The following DACT3 variants were observed in gnomAD, a reference collection of about 807,000 sequenced individuals.
The protein encoded by DACT3 is dishevelled binding antagonist of beta catenin 3, also known as dapper homolog 3.
A neutral mutation model predicts 19.6 loss-of-function variants in DACT3; 5 were observed. The ratio of observed to expected loss-of-function variants is 0.26; its 90% CI spans 0.13 to 0.54. The LOEUF is 0.54. Among genes scored for constraint, DACT3 ranks in the 20% least tolerant of loss-of-function variants. DACT3 has a pLI of 0.95. For synonymous variants in DACT3, 454 were observed against 428.1 expected, an observed-to-expected ratio of 1.06 and a Z score of -0.75; for missense variants, 908 against 927.4, an observed-to-expected ratio of 0.98 and a Z score of 0.27.
At chr19:46,654,481 CAAAAA>C in intron 1 of DACT3, 3 of 721,578 alleles carry the variant, frequency 4.2e-6, no homozygotes, top group Non-Finnish European at 4.7e-6. Flanking sequence ...GCAAGACTGA[CAAAAA>C]AAAAAAAAAA....
chr19:46,658,705 C>T (rs944555365), intron 1 of DACT3, among the ~76,000 whole-genome samples: 3 of 152,120 alleles, frequency 2.0e-5, no homozygotes, highest in African/African-American at 4.8e-5. Context: ...CCTTCCTCTG[C>T]AGGCTTAATA....
rs2053002504 is a variant in DACT3 at position 46,653,047 on chromosome 19, A to G, written c.278T>C (p.Leu93Pro). 2 of 1,551,414 alleles carry G rather than the reference A, an allele frequency of 1.3e-6. No homozygotes were observed. The highest frequency in any genetic ancestry group is 1.7e-6 in the Non-Finnish European group (2 of 1,147,008). ...LEALPGLVWD[L>P]GQQLGDLSLE... is the part of the protein sequence containing the mutation. Reference sequence around the variant, plus strand: ...GCTCAGGTCTCCCAGCTGCTGTCCCAGGTCCCAGACGAGACCAGGCAGGGC... The same window carrying G: ...GCTCAGGTCTCCCAGCTGCTGTCCCGGGTCCCAGACGAGACCAGGCAGGGC... The change falls in exon 2 of 4, where the codon CTG becomes CCG. Residue 93 changes from leucine (L) to proline (P), a missense_variant. By Grantham distance (98) the Leu-to-Pro change is moderately conservative. Coordinates refer to ENST00000391916, the MANE Select transcript of DACT3 (RefSeq NM_145056.3).
chr19:46,652,466 A>T (rs975556045), intron 3 of DACT3, 194 bp downstream of exon 3: 1 of 673,522 alleles, frequency 1.5e-6, no homozygotes, highest in Non-Finnish European at 2.4e-6. Flanking sequence ...GGCGTGAGCC[A>T]CCGCACCCAG....
At chr19:46,654,506 A>G in intron 1 of DACT3, 1 of 976,212 alleles carries the variant, frequency 1.0e-6, no homozygotes. Context: ...AGGAAAAAAG[A>G]AAAAGAAATT....
chr19:46,650,516 C>G (rs1487601797), intron 3 of DACT3: 2 of 152,058 alleles, frequency 1.3e-5, no homozygotes, highest in Non-Finnish European at 2.9e-5. Flanking sequence ...CTCCTGGGCT[C>G]AAGGGATCCT....
chr19:46,652,319 G>A (rs1301930721), intron 3 of DACT3: 9 of 336,712 alleles, frequency 2.7e-5, no homozygotes, highest in African/African-American at 1.3e-4. Flanking sequence ...TCAGCCTCCC[G>A]AGTAGCTGGA....
At position 46,655,975 on chromosome 19, in the gene DACT3, A is replaced by ATATATATACACATATATACAC. The variant is rs1220962434; in HGVS notation, c.250-2921_250-2901dup. 2.7e-5 allele frequency among the ~76,000 whole-genome samples: 4 copies of ATATATATACACATATATACAC among 150,676 alleles called. No homozygotes were observed. In the East Asian group the frequency reaches 5.8e-4, roughly 22 times the overall value. On this transcript the variant is annotated intron_variant, in intron 1 of 3. Transcript: ENST00000391916. Reference sequence around the variant, plus strand: ...CAAACACACATATATATATACACACATATATATACACATATATACACTATA... The same window carrying ATATATATACACATATATACAC: ...CAAACACACATATATATATACACACATATATATACACATATATACACTATATATACACATATATACACTATA...
intron 3 of DACT3, chr19:46,650,490 T>C (rs1233064372): frequency 6.6e-6 from 1 of 151,702 alleles, no homozygotes; most frequent in Non-Finnish European, 1.5e-5. Context: ...CAATCATAGC[T>C]CACTGCAGTT....
intron 1 of DACT3, among the ~76,000 whole-genome samples, chr19:46,655,279 G>C (rs779246689): frequency 6.6e-6 from 1 of 151,886 alleles, no homozygotes; most frequent in Non-Finnish European, 1.5e-5. Flanking sequence ...CCTGCTTTTC[G>C]GGTTTTTTCT....
In DACT3 at chr19:46,649,087, T is replaced by C. The variant is rs1599786822; in HGVS notation, c.1285A>G (p.Ser429Gly). 7.7e-7 allele frequency: 1 copy of C among 1,297,566 alleles called. No homozygotes were observed. The highest frequency in any genetic ancestry group is 9.8e-7 in the Non-Finnish European group (1 of 1,024,882). The allele number at this position is 1,297,566 out of a possible 1,614,324, so 80.4% of individuals were successfully genotyped here. A position where few individuals can be genotyped will look rare whatever the true frequency, so the allele number is the denominator to read the frequency against. Residue 429 changes from serine to glycine, a missense_variant, in exon 4 of 4, where the codon AGC (serine) becomes GGC (glycine). Physicochemically the swap from Ser to Gly is moderately conservative, Grantham distance 56. Transcript: ENST00000391916. ...ACCGCGGAGGCGCGGCCCAGCAGGC[T>C]GGTCTCAGACTGGGAGCGCGAGGCC... ...RKASRSQSET[S>G]LLGRASAVPS...
At chr19:46,659,806 G>A (rs575644138) in intron 1 of DACT3, among the ~76,000 whole-genome samples, 2 of 152,258 alleles carry the variant, frequency 1.3e-5, no homozygotes, top group Non-Finnish European at 2.9e-5. Flanking sequence ...GTGCGGGCTG[G>A]GGGGAGGGGA....
chr19:46,651,065 C>CTATCTATTTATT (rs1176059277), intron 3 of DACT3: 9 of 148,666 alleles, frequency 6.1e-5, no homozygotes, highest in South Asian at 4.2e-4. Context: ...ATTTATTTAT[C>CTATCTATTTATT]TATTTATTTA....
chr19:46,649,559 A>ACTGGTCCGGGG lies in DACT3; in HGVS notation c.802_812dup (p.Gly274ProfsTer51). Reference sequence around the variant, plus strand: ...GCGGGCCGCCGTCCGCGCCCCCGGGACTGGTCCGGGGCTGGCCCGCCCCCC... The same window carrying ACTGGTCCGGGG: ...GCGGGCCGCCGTCCGCGCCCCCGGGACTGGTCCGGGGCTGGTCCGGGGCTGGCCCGCCCCCC... On this transcript the variant is annotated frameshift_variant, in exon 4 of 4. Coordinates refer to ENST00000391916, the MANE Select transcript of DACT3 (RefSeq NM_145056.3). LOFTEE classifies it low-confidence loss of function (END_TRUNC). 9.5e-7 allele frequency: 1 copy of ACTGGTCCGGGG among 1,055,080 alleles called. No individual in the cohort carries two copies. The highest frequency in any genetic ancestry group is 1.1e-6 in the Non-Finnish European group (1 of 876,836). 65.4% of individuals were successfully genotyped at this position (1,055,080 alleles called of 1,614,324 possible). A position where few individuals can be genotyped will look rare whatever the true frequency, so the allele number is the denominator to read the frequency against.
At chr19:46,655,088 G>A (rs1399252688) in intron 1 of DACT3, 10 of 984,322 alleles carry the variant, frequency 1.0e-5, no homozygotes, top group Non-Finnish European at 1.1e-5. Flanking sequence ...ACAAATCACT[G>A]GCATGCTCAC....
chr19:46,657,346 C>CTT (rs71177239), intron 1 of DACT3, among the ~76,000 whole-genome samples: 1,088 of 69,424 alleles, frequency 0.016, 1 homozygote, highest in Non-Finnish European at 0.018. Flanking sequence ...AAATGAGTTT[C>CTT]TTTTTTTTTT....
Position 46,660,875 on chromosome 19 carries a change from C to A in DACT3, c.190G>T (p.Asp64Tyr), listed in dbSNP as rs2053070466. Residue 64 changes from aspartate (D) to tyrosine (Y), a missense_variant, in exon 1 of 4, where the codon GAT becomes TAT. Asp to Tyr is a radical substitution (Grantham distance 160). This residue lies in a region of DACT3 where 252 missense variants were observed against 325.6 expected (regional missense o/e 0.77). Transcript: ENST00000391916. This position sits in a 1 kb window ranked among gnomAD's most constrained non-coding sequence, Gnocchi z 4.9. Reference sequence around the variant, plus strand: ...GCCGCCGCCGCATCTTCATCCTCATCGGCGTCCTCCTCGTCCTCGGCCTCG... The same window carrying A: ...GCCGCCGCCGCATCTTCATCCTCATAGGCGTCCTCCTCGTCCTCGGCCTCG... The part of the protein sequence containing the change: ...GAEAEDEEDA[D>Y]EDEDAAAARR... 1 of 1,532,384 alleles carries A rather than the reference C, an allele frequency of 6.5e-7. No homozygotes were observed. Among genetic ancestry groups the A allele is most frequent in the South Asian group, 1.2e-5 (1 of 82,864 alleles). 94.9% of individuals were successfully genotyped at this position (1,532,384 alleles called of 1,614,324 possible). A position where few individuals can be genotyped will look rare whatever the true frequency, so the allele number is the denominator to read the frequency against.
chr19:46,655,921 CTCTCTA>C lies in DACT3; in HGVS notation c.250-2852_250-2847del, dbSNP rs1415550872. ...ACCCAGTCTCTCTCTCTCTCTCTCT[CTCTCTA>C]TATATATATATATATATATACACAA... On this transcript the variant is annotated intron_variant, in intron 1 of 3. Transcript: ENST00000391916. Among the ~76,000 whole-genome samples, 32 of 108,700 alleles carry C rather than the reference CTCTCTA, an allele frequency of 2.9e-4. 1 individual carries two copies. The highest frequency in any genetic ancestry group is 4.4e-3 in the Middle Eastern group (1 of 226). The allele number at this position is 108,700 out of a possible 152,430, so 71.3% of individuals were successfully genotyped here. A position where few individuals can be genotyped will look rare whatever the true frequency, so the allele number is the denominator to read the frequency against.
chr19:46,661,022 G>T lies in DACT3; in HGVS notation c.43C>A (p.Arg15=). ...FSFPVSPERG[R]LRGWLEGSLA... ...CTACCCTCCAGCCAGCCCCGCAGCC[G>T]GCCCCGCTCAGGGCTCACCGGGAAC... Residue 15 remains arginine (R), a synonymous_variant, in exon 1 of 4, where the codon CGG becomes AGG. Transcript: ENST00000391916. The T allele has an allele frequency of 6.5e-7, 1 of 1,530,186 alleles. No individual in the cohort carries two copies. Among genetic ancestry groups the T allele is most frequent in the Non-Finnish European group, 8.7e-7 (1 of 1,143,504 alleles). The allele number at this position is 1,530,186 out of a possible 1,614,324, so 94.8% of individuals were successfully genotyped here.
At chr19:46,652,097 T>C (rs2122455173) in intron 3 of DACT3, 1 of 153,142 alleles carries the variant, frequency 6.5e-6, no homozygotes, top group African/African-American at 2.4e-5. Flanking sequence ...TTTTACCATA[T>C]TGGTCAGGTT....
Sources: gnomAD v4.1 joint callset for allele counts (sites outside exome capture counted in the v4.1 genomes callset) on GRCh38, gnomAD v4.1.1 for gene constraint, gnomAD v4.1.1 regional missense constraint, Gnocchi (gnomAD v3.1) non-coding constraint, MANE v1.5 for transcripts, NCBI Gene and HGNC (gene_info 2026-07-23, HGNC 2026-07-21) for gene names.